The following STOML1 variants were observed in gnomAD, a reference collection of about 807,000 sequenced individuals.
STOML1 encodes the protein stomatin-like protein 1.
A neutral mutation model predicts 35.7 loss-of-function variants in STOML1; 27 were observed. That is an observed-to-expected ratio of 0.76 (90% CI 0.56 to 1.04). The LOEUF (loss-of-function observed/expected upper bound fraction) is 1.04, where lower values mean the gene tolerates loss of function less well. Among genes scored for constraint, STOML1 ranks in the 50% least tolerant of loss-of-function variants. The probability of loss-of-function intolerance (pLI) is 0.00; values close to 1 mark genes in which losing one functional copy is unlikely to be tolerated. For missense variants in STOML1, 451 were observed against 527.1 expected, an observed-to-expected ratio of 0.86 and a Z score of 1.41; for synonymous variants, 219 against 227.9, an observed-to-expected ratio of 0.96 and a Z score of 0.35.
At chr15:73,989,793 G>A (rs1406092157) in intron 2 of STOML1, among the ~76,000 whole-genome samples, 1 of 152,178 alleles carries the variant, frequency 6.6e-6, no homozygotes, top group African/African-American at 2.4e-5. Flanking sequence ...AGGATATAAG[G>A]CCATTTAAGG....
At chr15:73,985,578 G>T in intron 4 of STOML1, 65 bp from the exon 5 acceptor site, 1 of 1,511,608 alleles carries the variant, frequency 6.6e-7, no homozygotes, top group Non-Finnish European at 8.8e-7. Context: ...CCTTCTTTGG[G>T]CAGACTGTGT....
chr15:73,990,956 A>G (rs2069255808), intron 1 of STOML1: 1 of 1,467,426 alleles, frequency 6.8e-7, no homozygotes, highest in Admixed American at 2.5e-5. Context: ...CTACAGGGAT[A>G]AATCATAAAT....
In STOML1 at chr15:73,992,189, AG is replaced by A; in HGVS notation, c.34del (p.Leu12TrpfsTer68). On this transcript the variant is annotated frameshift_variant, in exon 1 of 7. Coordinates refer to ENST00000541638, the MANE Select transcript of STOML1 (RefSeq NM_004809.5). LOFTEE classifies it high-confidence loss of function. ...CTGCTGGAAGCGGTCAAAATCACCCAGGGGCAGCGCCCGGTACCCAGACCTG... is the reference window on the plus strand; with the variant it reads ...CTGCTGGAAGCGGTCAAAATCACCCAGGGCAGCGCCCGGTACCCAGACCTG... ...LGRSGYRALP[L>X]GDFDRFQQSS... 6.2e-7 allele frequency: 1 copy of A among 1,607,346 alleles called. No homozygotes were observed. Among genetic ancestry groups the A allele is most frequent in the Non-Finnish European group, 8.5e-7 (1 of 1,177,698 alleles).
In STOML1 at chr15:73,989,243, G is replaced by A. The variant is rs115004833; in HGVS notation, c.255C>T (p.Tyr85=). ...CCAGGCGGAACACAATCATCCGCTC[G>A]TAGGTGGGCACAATCTGTCCACAAT... ...GWFALKIVPT[Y]ERMIVFRLGR... Residue 85 remains tyrosine (Y), a synonymous_variant, in exon 3 of 7, where the codon TAC becomes TAT. Coordinates refer to ENST00000541638, the MANE Select transcript of STOML1 (RefSeq NM_004809.5). The A allele has an allele frequency of 9.2e-5, 148 of 1,600,370 alleles. 1 individual carries two copies. The highest frequency in any genetic ancestry group is 7.8e-4 in the South Asian group (70 of 89,346).
chr15:73,988,495 TA>T lies in STOML1; in HGVS notation c.594+103del. ...GTGGTTACACTATTGGGACATATGG[TA>T]AACTGAGGCCCAGAGTGGTCTGACT... On this transcript the variant is annotated intron_variant, in intron 4 of 6. Transcript: ENST00000541638. This position sits in a 1 kb window ranked among gnomAD's most constrained non-coding sequence, Gnocchi z 4.8. 7.3e-7 allele frequency: 1 copy of T among 1,373,182 alleles called. No homozygotes were observed. The highest frequency in any genetic ancestry group is 9.9e-7 in the Non-Finnish European group (1 of 1,007,502). 85.1% of individuals were successfully genotyped at this position (1,373,182 alleles called of 1,614,324 possible).
rs1220065076 is a variant in STOML1, at chr15:73,983,125, T to C, written c.*812A>G. On this transcript the variant is annotated 3_prime_UTR_variant, in exon 7 of 7. Transcript: ENST00000541638. ...GGTCTGTCTGTGTCAGCCACCAGGATGTCAATCCCTGCCTGGGCTGGCAGC... is the reference window on the plus strand; with the variant it reads ...GGTCTGTCTGTGTCAGCCACCAGGACGTCAATCCCTGCCTGGGCTGGCAGC... 1 of 151,916 alleles carries C rather than the reference T, an allele frequency of 6.6e-6. No individual in the cohort carries two copies. The highest frequency in any genetic ancestry group is 2.1e-4 in the South Asian group (1 of 4,804). 9.4% of individuals were successfully genotyped at this position (151,916 alleles called of 1,614,324 possible).
At position 73,988,286 on chromosome 15, in the gene STOML1, G is replaced by C. The variant is rs985612532; in HGVS notation, c.594+313C>G. On this transcript the variant is annotated intron_variant, in intron 4 of 6. Coordinates refer to ENST00000541638, the MANE Select transcript of STOML1 (RefSeq NM_004809.5). The surrounding 1 kb of genome is among the most constrained non-coding windows in gnomAD (Gnocchi z 4.8). ...GCCCCATGAGTCAGGCCCGGAATGA[G>C]AGCTGTAGAAGCCAGTGTCATCATG... 1 of 313,190 alleles carries C rather than the reference G, an allele frequency of 3.2e-6. No homozygotes were observed. The highest frequency in any genetic ancestry group is 2.1e-5 in the African/African-American group (1 of 47,254). The allele number at this position is 313,190 out of a possible 1,614,324, so 19.4% of individuals were successfully genotyped here. A position where few individuals can be genotyped will look rare whatever the true frequency, so the allele number is the denominator to read the frequency against.
rs763971186 is a variant in STOML1, at chr15:73,984,770, G to A, written c.892C>T (p.Leu298=). ...QPLAEGLLTA[L]QPFLSEALVS... is the part of the protein sequence containing the mutation. The stretch of plus-strand genomic sequence containing the variant: ...AGGGCCTCAGACAGGAAGGGCTGTA[G>A]AGCAGTCAGTAGCCCCTCCGCCAGA... The change falls in exon 6 of 7, where the codon CTA becomes TTA. Residue 298 remains leucine, a synonymous_variant. Coordinates refer to ENST00000541638, the MANE Select transcript of STOML1 (RefSeq NM_004809.5). The A allele has an allele frequency of 1.2e-6, 2 of 1,613,978 alleles. No individual in the cohort carries two copies. Among genetic ancestry groups the A allele is most frequent in the Non-Finnish European group, 1.7e-6 (2 of 1,180,040 alleles).
chr15:73,984,559 T>A (rs1051767173), intron 6 of STOML1, 100 bp downstream of exon 6: 8 of 1,386,760 alleles, frequency 5.8e-6, no homozygotes, highest in Non-Finnish European at 6.9e-6. Flanking sequence ...CCCCAAATTA[T>A]TGGCAGGAGC....
At chr15:73,994,391 C>A (rs2069374100), upstream of STOML1, among the ~76,000 whole-genome samples, 1 of 152,198 alleles carries the variant, frequency 6.6e-6, no homozygotes, top group Non-Finnish European at 1.5e-5. Flanking sequence ...TCCATTACAT[C>A]TACGGCTCTT....
At chr15:73,994,491 G>A (rs1233935691), upstream of STOML1, 2 of 441,406 alleles carry the variant, frequency 4.5e-6, no homozygotes, top group Non-Finnish European at 8.4e-6. Context: ...ACGGATGAAT[G>A]GATCAAAGCC....
At chr15:73,991,958 T>G in intron 1 of STOML1, 133 bp downstream of exon 1, 1 of 1,335,504 alleles carries the variant, frequency 7.5e-7, no homozygotes, top group Non-Finnish European at 1.0e-6. Context: ...CCTCTCCACA[T>G]CGTATCCCTT....
Position 73,983,952 on chromosome 15 carries a change from G to A in STOML1, c.1182C>T (p.Leu394=). The A allele has an allele frequency of 6.2e-7, 1 of 1,613,618 alleles. No homozygotes were observed. The highest frequency in any genetic ancestry group is 8.5e-7 in the Non-Finnish European group (1 of 1,179,760). ...GCCAAGGCTGCTACTTCAAGGCCCTGAGGACAGCCTCCAGCTTCATGGCCA... is the reference window on the plus strand; with the variant it reads ...GCCAAGGCTGCTACTTCAAGGCCCTAAGGACAGCCTCCAGCTTCATGGCCA... ...LAMAMKLEAV[L]RALK Residue 394 remains leucine (L), a synonymous_variant, in exon 7 of 7, where the codon CTC becomes CTT. Transcript: ENST00000541638.
chr15:73,985,263 C>G, intron 5 of STOML1, 55 bp downstream of exon 5: 1 of 1,487,350 alleles, frequency 6.7e-7, no homozygotes, highest in Non-Finnish European at 8.9e-7. Flanking sequence ...TGAGCAAAGT[C>G]TGTGCTGGCA....
At position 73,984,662 on chromosome 15, in the gene STOML1, T is replaced by C. The variant is rs369837493; in HGVS notation, c.1000A>G (p.Thr334Ala). ...GAGGCAAGGAGGGCAGCGGCACCTGTAGTGAGGTCCAGGAAGTAGGCGCTT... is the reference window on the plus strand; with the variant it reads ...GAGGCAAGGAGGGCAGCGGCACCTGCAGTGAGGTCCAGGAAGTAGGCGCTT... ...TQSAYFLDLT[T>A]GRGRVGHGVP... The change falls in exon 6 of 7, where the codon ACA becomes GCA. Residue 334 changes from threonine to alanine, a missense_variant. Physicochemically the swap from Thr to Ala is moderately conservative, Grantham distance 58 (BLOSUM62 0). Transcript: ENST00000541638. 10 of 1,613,870 alleles carry C rather than the reference T, an allele frequency of 6.2e-6. No homozygotes were observed. The highest frequency in any genetic ancestry group is 8.5e-6 in the Non-Finnish European group (10 of 1,179,960).
Position 73,988,385 on chromosome 15 carries a change from G to C in STOML1, c.594+214C>G, listed in dbSNP as rs2141673030. The C allele has an allele frequency of 1.7e-6, 1 of 595,266 alleles. No individual in the cohort carries two copies. The highest frequency in any genetic ancestry group is 1.9e-5 in the African/African-American group (1 of 53,980). 36.9% of individuals were successfully genotyped at this position (595,266 alleles called of 1,614,324 possible). On this transcript the variant is annotated intron_variant, in intron 4 of 6. Coordinates refer to ENST00000541638, the MANE Select transcript of STOML1 (RefSeq NM_004809.5). The surrounding 1 kb of genome is among the most constrained non-coding windows in gnomAD (Gnocchi z 4.8). ...GCCGGGGCCACTTCCTCTTCTCAGG[G>C]ACAAGTTTGCCCAGGATCGTTATGG...
chr15:73,983,087 C>T lies in STOML1; in HGVS notation c.*850G>A, dbSNP rs1165777164. 1 of 146,022 alleles carries T rather than the reference C, an allele frequency of 6.8e-6. No individual in the cohort carries two copies. The highest frequency in any genetic ancestry group is 2.5e-5 in the African/African-American group (1 of 40,370). 9.0% of individuals were successfully genotyped at this position (146,022 alleles called of 1,614,324 possible). A position where few individuals can be genotyped will look rare whatever the true frequency, so the allele number is the denominator to read the frequency against. On this transcript the variant is annotated 3_prime_UTR_variant, in exon 7 of 7. Transcript: ENST00000541638. The stretch of plus-strand genomic sequence containing the variant: ...TTGAGACACTCAGGAGAAGGAGCTT[C>T]AAATATTGTGAGGGTCTGTCTGTGT...
At chr15:73,990,098 A>G (rs192782744) in intron 2 of STOML1, 74 of 436,018 alleles carry the variant, frequency 1.7e-4, no homozygotes, top group Middle Eastern at 1.3e-3. Flanking sequence ...CCTTAAAGCC[A>G]GTGTCCAGAT....
chr15:73,991,227 T>C (rs932624469), intron 1 of STOML1, among the ~76,000 whole-genome samples: 10 of 152,214 alleles, frequency 6.6e-5, no homozygotes, highest in Admixed American at 1.3e-4. Context: ...AGATGAGGCT[T>C]ATCCAAGCCA....
Sources: allele counts gnomAD v4.1 joint callset (sites outside exome capture counted in the v4.1 genomes callset), GRCh38; gene constraint gnomAD v4.1.1; non-coding constraint Gnocchi (gnomAD v3.1); transcripts MANE v1.5; gene names NCBI Gene and HGNC (gene_info 2026-07-23, HGNC 2026-07-21).